The following ABCA9 variants were observed in gnomAD, a reference collection of about 807,000 sequenced individuals.
ABCA9 encodes the protein ATP binding cassette subfamily A member 9.
Under a neutral mutation model 205.3 loss-of-function variants are expected in ABCA9, and 183 were observed. The ratio of observed to expected loss-of-function variants is 0.89; its 90% confidence interval spans 0.79 to 1.01. ABCA9 has a LOEUF of 1.01. Ranked by LOEUF, ABCA9 falls within the 50% of genes least tolerant of loss-of-function variation. The pLI is 0.00. For synonymous variants in ABCA9, 651 were observed against 683.3 expected, an observed-to-expected ratio of 0.95 and a Z score of 0.74; for missense variants, 1,805 against 1,912.4, an observed-to-expected ratio of 0.94 and a Z score of 1.05.
At chr17:68,990,789 A>G in intron 29 of ABCA9, 48 bp downstream of exon 29, 1 of 1,594,850 alleles carries the variant, frequency 6.3e-7, no homozygotes, top group Middle Eastern at 1.7e-4. Context: ...TTCTCACTTT[A>G]TCTGTCAGAA....
intron 6 of ABCA9, 92 bp from the exon 7 acceptor site, chr17:69,035,893 T>C: frequency 2.0e-6 from 3 of 1,469,696 alleles, no homozygotes; most frequent in Non-Finnish European, 2.7e-6. Flanking sequence ...AAGCTCACCA[T>C]TTATCAAGGG....
rs780479704 is a variant in ABCA9 at position 69,023,393 on chromosome 17, A to T, written c.2281+821T>A. The T allele has an allele frequency of 3.3e-5, 5 of 152,246 alleles. No individual in the cohort carries two copies. The highest frequency in any genetic ancestry group is 7.3e-5 in the Non-Finnish European group (5 of 68,046). The allele number at this position is 152,246 out of a possible 1,614,324, so 9.4% of individuals were successfully genotyped here. A position where few individuals can be genotyped will look rare whatever the true frequency, so the allele number is the denominator to read the frequency against. ...AAGTGAGGAAACTGAGATACAGAAT[A>T]GTACTATAACCTGTTAAGGATTATA... On this transcript the variant is annotated intron_variant, in intron 17 of 38. Transcript: ENST00000340001. The surrounding 1 kb of genome is among the most constrained non-coding windows in gnomAD (Gnocchi z 4.2).
chr17:69,057,901 A>G (rs1322668219), intron 1 of ABCA9, among the ~76,000 whole-genome samples: 2 of 152,164 alleles, frequency 1.3e-5, no homozygotes, highest in Admixed American at 6.5e-5. Context: ...TTTACATTGC[A>G]TTAGGTATTG....
At chr17:69,069,655 C>G in the ABCA9 span, among the ~76,000 whole-genome samples, 1 of 151,494 alleles carries the variant, frequency 6.6e-6, no homozygotes, top group Non-Finnish European at 1.5e-5. Flanking sequence ...TGCACTAGAT[C>G]TCTCTACGAC....
chr17:69,046,914 A>ATATATAT (rs1567971370), intron 3 of ABCA9, among the ~76,000 whole-genome samples: 1 of 113,094 alleles, frequency 8.8e-6, no homozygotes, highest in South Asian at 2.9e-4. Flanking sequence ...TATATATATA[A>ATATATAT]AATTTTATAT....
In ABCA9 at chr17:69,003,018, T is replaced by G. The variant is rs372268529; in HGVS notation, c.3435+4741A>C. ...TTTTGAGCCTATGTGGGTCTCTGCA[T>G]GTGAGATAGGTTTCCTGAATACAGC... On this transcript the variant is annotated intron_variant, in intron 25 of 38. Coordinates refer to ENST00000340001, the MANE Select transcript of ABCA9 (RefSeq NM_080283.4). Among the ~76,000 whole-genome samples, 242 of 149,740 alleles carry G rather than the reference T, an allele frequency of 1.6e-3. 2 individuals carry two copies. Among genetic ancestry groups the G allele is most frequent in the African/African-American group, 5.6e-3 (223 of 39,716 alleles).
intron 31 of ABCA9, among the ~76,000 whole-genome samples, chr17:68,987,281 A>G (rs926600914): frequency 6.6e-6 from 1 of 152,166 alleles, no homozygotes; most frequent in African/African-American, 2.4e-5. Flanking sequence ...CCTTGATGCT[A>G]TATTGTCTCC....
chr17:68,987,926 G>A (rs989861405), intron 31 of ABCA9, among the ~76,000 whole-genome samples: 2 of 152,086 alleles, frequency 1.3e-5, no homozygotes, highest in African/African-American at 4.8e-5. Flanking sequence ...CACCACGCCT[G>A]GCTAATTTTG....
At chr17:69,076,930 C>T in the ABCA9 span, among the ~76,000 whole-genome samples, 2 of 151,836 alleles carry the variant, frequency 1.3e-5, no homozygotes, top group Non-Finnish European at 2.9e-5. Context: ...AGCTAGTTGT[C>T]TATCGATCTT....
At position 68,975,653 on chromosome 17, in the gene ABCA9, G is replaced by C. The variant is rs1242112978; in HGVS notation, c.*262C>G. Reference sequence around the variant, plus strand: ...AAATGTAGACAATTCTATAATAAATGCATTTTTAAACTTAACACAGTAGGA... The same window carrying C: ...AAATGTAGACAATTCTATAATAAATCCATTTTTAAACTTAACACAGTAGGA... On this transcript the variant is annotated 3_prime_UTR_variant, in exon 39 of 39. Transcript: ENST00000340001. The C allele has an allele frequency of 3.4e-6, 1 of 296,086 alleles. No homozygotes were observed. Among genetic ancestry groups the C allele is most frequent in the East Asian group, 5.6e-5 (1 of 17,772 alleles). 18.3% of individuals were successfully genotyped at this position (296,086 alleles called of 1,614,324 possible).
intron 17 of ABCA9, 39 bp from the exon 18 acceptor site, chr17:69,021,900 T>G: frequency 3.0e-6 from 4 of 1,320,024 alleles, no homozygotes; most frequent in Non-Finnish European, 4.1e-6. Context: ...AGAATATAAT[T>G]TATAATGAGA....
intron 31 of ABCA9, 96 bp downstream of exon 31, chr17:68,988,931 C>T (rs1377319091): frequency 9.4e-6 from 7 of 741,390 alleles, no homozygotes; most frequent in Non-Finnish European, 1.6e-5. Flanking sequence ...GCATAAATCA[C>T]ACTAAGTGAT....
intron 1 of ABCA9, among the ~76,000 whole-genome samples, chr17:69,057,854 C>T (rs1203434853): frequency 6.6e-6 from 1 of 151,486 alleles, no homozygotes; most frequent in Non-Finnish European, 1.5e-5. Context: ...TGTCATTATT[C>T]CTGAAACAAT....
chr17:68,975,817 C>T lies in ABCA9; in HGVS notation c.*98G>A, dbSNP rs2068876975. On this transcript the variant is annotated 3_prime_UTR_variant, in exon 39 of 39. Coordinates refer to ENST00000340001, the MANE Select transcript of ABCA9 (RefSeq NM_080283.4). ...ATAATTATTGCATGAGTTTCAAATGCATTTTGTACCACCTCTGATATAAGG... is the reference window on the plus strand; with the variant it reads ...ATAATTATTGCATGAGTTTCAAATGTATTTTGTACCACCTCTGATATAAGG... 1 of 902,312 alleles carries T rather than the reference C, an allele frequency of 1.1e-6. No individual in the cohort carries two copies. The highest frequency in any genetic ancestry group is 2.4e-5 in the Admixed American group (1 of 41,092). 55.9% of individuals were successfully genotyped at this position (902,312 alleles called of 1,614,324 possible). A position where few individuals can be genotyped will look rare whatever the true frequency, so the allele number is the denominator to read the frequency against.
upstream of ABCA9, among the ~76,000 whole-genome samples, chr17:69,061,816 T>C (rs1018442472): frequency 5.3e-5 from 8 of 152,218 alleles, no homozygotes; most frequent in Admixed American, 3.3e-4. Flanking sequence ...ATGGAGTTCA[T>C]CTTTGGCTGA....
At chr17:69,002,888 T>C (rs2069939805) in intron 25 of ABCA9, among the ~76,000 whole-genome samples, 1 of 143,486 alleles carries the variant, frequency 7.0e-6, no homozygotes, top group Non-Finnish European at 1.5e-5. Flanking sequence ...TCTTTGTCTC[T>C]TTTGATCTTT....
At chr17:68,992,100 T>C in intron 28 of ABCA9, 75 bp downstream of exon 28, 1 of 1,032,150 alleles carries the variant, frequency 9.7e-7, no homozygotes, top group Non-Finnish European at 1.4e-6. Context: ...TTTACTTAAT[T>C]AATTCAGCAC....
intron 3 of ABCA9, among the ~76,000 whole-genome samples, chr17:69,048,634 C>T (rs577801995): frequency 8.9e-4 from 135 of 152,298 alleles, no homozygotes; most frequent in African/African-American, 3.2e-3. Context: ...TCACACTTTA[C>T]ACATTTAACA....
chr17:69,056,151 G>A (rs2072063704), intron 1 of ABCA9, among the ~76,000 whole-genome samples: 1 of 151,932 alleles, frequency 6.6e-6, no homozygotes, highest in Non-Finnish European at 1.5e-5. Flanking sequence ...CAAAATAAAA[G>A]AAATAGTAAA....
Sources: allele counts gnomAD v4.1 joint callset (sites outside exome capture counted in the v4.1 genomes callset), GRCh38; gene constraint gnomAD v4.1.1; non-coding constraint Gnocchi (gnomAD v3.1); transcripts MANE v1.5; gene names NCBI Gene and HGNC (gene_info 2026-07-23, HGNC 2026-07-21).